Variants in MX2 observed in about 807,000 individuals in gnomAD.
MX2 encodes the protein interferon-induced GTP-binding protein Mx2.
Under a neutral mutation model 74.0 loss-of-function variants are expected in MX2, and 51 were observed. The observed-to-expected ratio is 0.69, with a 90% CI of 0.55 to 0.87. The LOEUF (loss-of-function observed/expected upper bound fraction) is 0.87. Ranked by LOEUF, MX2 falls within the 40% of genes least tolerant of loss-of-function variation. The probability of loss-of-function intolerance (pLI) is 0.00; values close to 1 mark genes in which losing one functional copy is unlikely to be tolerated. For missense variants in MX2, 832 were observed against 908.7 expected (o/e 0.92, Z 1.09); for synonymous variants, 369 against 339.3 (o/e 1.09, Z -0.96).
intron 6 of MX2, among the ~76,000 whole-genome samples, chr21:41,392,226 G>T (rs549108671): frequency 2.0e-4 from 30 of 152,364 alleles, no homozygotes; most frequent in African/African-American, 6.7e-4. Flanking sequence ...CATGTTCATA[G>T]CAGCATTATC....
At chr21:41,404,397 G>C (rs2089857572) in intron 12 of MX2, 1 of 152,380 alleles carries the variant, frequency 6.6e-6, no homozygotes, top group Non-Finnish European at 1.5e-5. Context: ...ACTGTCCTTT[G>C]TTGTGTAGAC....
chr21:41,377,509 C>T (rs752090019), intron 2 of MX2, among the ~76,000 whole-genome samples: 24 of 152,324 alleles, frequency 1.6e-4, no homozygotes, highest in Middle Eastern at 3.4e-3. Context: ...GGAGTCTCTG[C>T]CTCTTGGAAC....
At chr21:41,403,690 C>A in intron 12 of MX2, 2 of 516,100 alleles carry the variant, frequency 3.9e-6, no homozygotes, top group Non-Finnish European at 3.9e-6. Context: ...TAGTCCTACT[C>A]CCAAATTTGT....
chr21:41,378,611 T>C (rs2089446215), intron 3 of MX2, among the ~76,000 whole-genome samples: 1 of 152,240 alleles, frequency 6.6e-6, no homozygotes, highest in Admixed American at 6.5e-5. Flanking sequence ...GAACAAAAAC[T>C]TTTAAAAGTC....
chr21:41,405,848 G>T (rs1215687946), intron 12 of MX2, among the ~76,000 whole-genome samples: 7 of 151,160 alleles, frequency 4.6e-5, no homozygotes, highest in Admixed American at 6.6e-5. Context: ...GGGATTACAA[G>T]CACCTGCCAC....
At chr21:41,382,323 A>G (rs1041370030) in intron 4 of MX2, 87 bp from the exon 5 acceptor site, 15 of 1,476,728 alleles carry the variant, frequency 1.0e-5, no homozygotes, top group Non-Finnish European at 1.2e-5. Flanking sequence ...CATACCCTGG[A>G]AAGGAGCAGT....
chr21:41,381,684 C>CAAAA (rs57350601), intron 4 of MX2, among the ~76,000 whole-genome samples: 153 of 57,664 alleles, frequency 2.7e-3, no homozygotes, highest in African/African-American at 3.0e-3. Flanking sequence ...GACTCTGTCT[C>CAAAA]AAAAAAAAAA....
In MX2 at chr21:41,395,152, G is replaced by C. The variant is rs538883326; in HGVS notation, c.872-435G>C. ...GCAGGAAGGAGTGGGGACAGAGGAGGGGGAGAGGAAAGTGGGAAGGAGGAG... is the reference window on the plus strand; with the variant it reads ...GCAGGAAGGAGTGGGGACAGAGGAGCGGGAGAGGAAAGTGGGAAGGAGGAG... On this transcript the variant is annotated intron_variant, in intron 6 of 13. Coordinates refer to ENST00000330714, the MANE Select transcript of MX2 (RefSeq NM_002463.2). Among the ~76,000 whole-genome samples, 106 of 152,242 alleles carry C rather than the reference G, an allele frequency of 7.0e-4. 2 individuals are homozygous for C. The highest frequency in any genetic ancestry group is 7.2e-4 in the Non-Finnish European group (49 of 68,012).
At position 41,362,427 on chromosome 21, in the gene MX2, T is replaced by C. The variant is rs374513789; in HGVS notation, c.-72+372T>C. 9.9e-5 allele frequency among the ~76,000 whole-genome samples: 15 copies of C among 152,270 alleles called. No homozygotes were observed. The East Asian group carries it at 2.1e-3, about 22-fold the overall frequency. ...GGAGCTTTGTGCCCGAAAAGTCGTC[T>C]CGGAGGGTTTCAAGTGTTCCTTCTT... On this transcript the variant is annotated intron_variant, in intron 1 of 13. Transcript: ENST00000330714.
At chr21:41,376,546 TCAACAACAA>T (rs56871493) in intron 1 of MX2, among the ~76,000 whole-genome samples, 17,026 of 151,898 alleles carry the variant, frequency 0.11, 1,177 homozygotes, top group Middle Eastern at 0.16. Flanking sequence ...AGACCCTGTC[TCAACAACAA>T]CAACAACAAC....
Position 41,398,951 on chromosome 21 carries a change from G to C in MX2, c.1204G>C (p.Glu402Gln). ...QIRESHQKATEELRRCGADIP... is the reference protein window; with the variant it reads ...QIRESHQKATQELRRCGADIP... ...AAGGGAGAGCCACCAGAAGGCGACC[G>C]AGGAGCTGCGGCGTTGCGGGGCTGA... The change falls in exon 9 of 14, where the codon GAG (glutamate) becomes CAG (glutamine). Residue 402 changes from glutamate to glutamine, a missense_variant. Glu to Gln is a conservative substitution (Grantham distance 29). Coordinates refer to ENST00000330714, the MANE Select transcript of MX2 (RefSeq NM_002463.2). 1.2e-6 allele frequency: 2 copies of C among 1,614,090 alleles called. No individual in the cohort carries two copies. The highest frequency in any genetic ancestry group is 1.7e-6 in the Non-Finnish European group (2 of 1,179,940).
chr21:41,399,467 G>T, intron 10 of MX2, 130 bp downstream of exon 10: 2 of 1,021,906 alleles, frequency 2.0e-6, no homozygotes, highest in Non-Finnish European at 2.9e-6. Context: ...TTGGTAATCA[G>T]CAACTGTCTC....
intron 12 of MX2, chr21:41,403,548 T>C (rs752935968): frequency 1.3e-6 from 1 of 749,788 alleles, no homozygotes; most frequent in Non-Finnish European, 2.5e-6. Context: ...GCGGCTTCAC[T>C]CCCCAGGAGA....
At chr21:41,392,719 G>C (rs2089676722) in intron 6 of MX2, among the ~76,000 whole-genome samples, 1 of 152,176 alleles carries the variant, frequency 6.6e-6, no homozygotes. Flanking sequence ...AAACAAGGTA[G>C]CTAAAGACAG....
At chr21:41,399,566 A>C (rs180832952) in intron 10 of MX2, 1 of 430,288 alleles carries the variant, frequency 2.3e-6, no homozygotes, top group Non-Finnish European at 4.2e-6. Context: ...TCGTGTCTTG[A>C]TTTTGTTTTG....
At chr21:41,391,461 ACTGTAACCT>A (rs139159196) in intron 6 of MX2, among the ~76,000 whole-genome samples, 2,415 of 150,446 alleles carry the variant, frequency 0.016, 57 homozygotes, top group African/African-American at 0.056. Flanking sequence ...ATCTAGGCTC[ACTGTAACCT>A]CTGCCTCCTG....
Position 41,368,793 on chromosome 21 carries a change from A to G in MX2, c.-72+6738A>G, listed in dbSNP as rs1159702844. On this transcript the variant is annotated intron_variant, in intron 1 of 13. Transcript: ENST00000330714. The surrounding 1 kb of genome is among the most constrained non-coding windows in gnomAD (Gnocchi z 4.6). ...TGAGGCTGAGTTATCACCTCCCATCAGCACTCGGTTTTGTTCCTGGACCCC... is the reference window on the plus strand; with the variant it reads ...TGAGGCTGAGTTATCACCTCCCATCGGCACTCGGTTTTGTTCCTGGACCCC... Among the ~76,000 whole-genome samples, 1 of 152,196 alleles carries G rather than the reference A, an allele frequency of 6.6e-6. No individual in the cohort carries two copies. Among genetic ancestry groups the G allele is most frequent in the Non-Finnish European group, 1.5e-5 (1 of 68,028 alleles).
chr21:41,369,191 G>T (rs963304013), intron 1 of MX2, among the ~76,000 whole-genome samples: 1 of 152,220 alleles, frequency 6.6e-6, no homozygotes, highest in Admixed American at 6.5e-5. Context: ...TGGGAGGAGG[G>T]GGGTGCAGGA....
rs1017693826 is a variant in MX2 at position 41,388,672 on chromosome 21, A to G, written c.733-1893A>G. Among the ~76,000 whole-genome samples the G allele has an allele frequency of 2.0e-5, 3 of 152,208 alleles. No individual in the cohort carries two copies. The highest frequency in any genetic ancestry group is 4.4e-5 in the Non-Finnish European group (3 of 68,028). On this transcript the variant is annotated intron_variant, in intron 5 of 13. Coordinates refer to ENST00000330714, the MANE Select transcript of MX2 (RefSeq NM_002463.2). This position sits in a 1 kb window ranked among gnomAD's most constrained non-coding sequence, Gnocchi z 4.0. ...GGTGGGCACTGCTAATGTTTGCTGCATGCACATAACGTGCTCTTTATGGTC... is the reference window on the plus strand; with the variant it reads ...GGTGGGCACTGCTAATGTTTGCTGCGTGCACATAACGTGCTCTTTATGGTC...
Sources: gnomAD v4.1 joint callset for allele counts (sites outside exome capture counted in the v4.1 genomes callset) on GRCh38, gnomAD v4.1.1 for gene constraint, Gnocchi (gnomAD v3.1) non-coding constraint, MANE v1.5 for transcripts, NCBI Gene and HGNC (gene_info 2026-07-23, HGNC 2026-07-21) for gene names.